Variants in CADM2 observed in about 807,000 individuals in gnomAD.
CADM2 encodes cell adhesion molecule 2.
CADM2 carries 12 observed loss-of-function variants against 49.8 expected under a neutral mutation model. That is an observed-to-expected ratio of 0.24 (90% CI 0.15 to 0.39). The LOEUF is 0.39. Among genes scored for constraint, CADM2 ranks in the 10% least tolerant of loss-of-function variants. The probability of loss-of-function intolerance (pLI) is 1.00; values close to 1 mark genes in which losing one functional copy is unlikely to be tolerated. For missense variants in CADM2, 378 were observed against 492.3 expected (o/e 0.77, Z 2.20); for synonymous variants, 214 against 175.4 (o/e 1.22, Z -1.74).
intron 1 of CADM2, among the ~76,000 whole-genome samples, chr3:85,213,334 T>C (rs1397851085): frequency 1.3e-5 from 2 of 151,744 alleles, no homozygotes; most frequent in East Asian, 3.9e-4. Flanking sequence ...TTTCACTGGA[T>C]ATACTATTCT....
intron 1 of CADM2, among the ~76,000 whole-genome samples, chr3:85,229,306 G>T (rs1353945765): frequency 6.6e-6 from 1 of 152,182 alleles, no homozygotes; most frequent in Non-Finnish European, 1.5e-5. Context: ...TGCTGGTTGC[G>T]AAGACCATGG....
chr3:85,962,794 G>C (rs1042546364), intron 8 of CADM2, among the ~76,000 whole-genome samples: 1 of 151,836 alleles, frequency 6.6e-6, no homozygotes, highest in Non-Finnish European at 1.5e-5. Flanking sequence ...TCTGGGACTA[G>C]TATTATATTC....
intron 1 of CADM2, among the ~76,000 whole-genome samples, chr3:85,167,763 AT>A (rs2040509469): frequency 6.6e-6 from 1 of 152,210 alleles, no homozygotes; most frequent in Non-Finnish European, 1.5e-5. Context: ...TATAAGTAGC[AT>A]ATGCTAATTG....
chr3:85,486,790 A>C (rs1222785396), intron 1 of CADM2, among the ~76,000 whole-genome samples: 1 of 152,174 alleles, frequency 6.6e-6, no homozygotes, highest in Non-Finnish European at 1.5e-5. Context: ...ACCTTACTGA[A>C]TACTATAAGA....
chr3:85,149,417 G>C (rs113377975), intron 1 of CADM2, among the ~76,000 whole-genome samples: 9 of 152,188 alleles, frequency 5.9e-5, no homozygotes, highest in African/African-American at 2.2e-4. Context: ...ATGGACTAAA[G>C]CAAAGACATA....
At chr3:85,534,521 A>T (rs1267715260) in intron 1 of CADM2, among the ~76,000 whole-genome samples, 1 of 152,174 alleles carries the variant, frequency 6.6e-6, no homozygotes, top group Non-Finnish European at 1.5e-5. Context: ...GTGAATAAAG[A>T]ATTATTGCAA....
At chr3:85,276,911 G>A (rs1425548212) in intron 1 of CADM2, among the ~76,000 whole-genome samples, 1 of 151,286 alleles carries the variant, frequency 6.6e-6, no homozygotes, top group Non-Finnish European at 1.5e-5. Context: ...CTAGAGGAAT[G>A]TGAATATCTG....
chr3:85,417,217 CAT>C (rs2035956844), intron 1 of CADM2, among the ~76,000 whole-genome samples: 2 of 152,028 alleles, frequency 1.3e-5, no homozygotes, highest in Admixed American at 1.3e-4. Flanking sequence ...TTTCTTATTG[CAT>C]AGAGTATTTA....
intron 1 of CADM2, among the ~76,000 whole-genome samples, chr3:85,243,975 A>T (rs1262340781): frequency 6.6e-6 from 1 of 152,096 alleles, no homozygotes; most frequent in East Asian, 1.9e-4. Flanking sequence ...CCTATTGTGT[A>T]GCCCAACCCC....
At chr3:85,655,840 T>C (rs1047327218) in intron 1 of CADM2, among the ~76,000 whole-genome samples, 11 of 152,310 alleles carry the variant, frequency 7.2e-5, no homozygotes, top group Admixed American at 4.6e-4. Flanking sequence ...TAGAATTCAA[T>C]AGCACATATG....
At chr3:85,179,848 T>A (rs2040881200) in intron 1 of CADM2, among the ~76,000 whole-genome samples, 1 of 152,160 alleles carries the variant, frequency 6.6e-6, no homozygotes, top group African/African-American at 2.4e-5. Flanking sequence ...TTTCATTTAA[T>A]AGGATGTTAA....
intron 6 of CADM2, 67 bp downstream of exon 6, chr3:85,912,610 T>A (rs565823521): frequency 4.1e-6 from 6 of 1,468,486 alleles, no homozygotes; most frequent in Non-Finnish European, 5.6e-6. Context: ...TCTAAAATCA[T>A]TTCAAAACTA....
intron 1 of CADM2, among the ~76,000 whole-genome samples, chr3:84,999,087 G>T (rs2033324128): frequency 6.6e-6 from 1 of 152,118 alleles, no homozygotes; most frequent in African/African-American, 2.4e-5. Flanking sequence ...ATTTCTTTGT[G>T]AAGCTAATTT....
chr3:85,492,399 C>T (rs1400117321), intron 1 of CADM2, among the ~76,000 whole-genome samples: 1 of 152,064 alleles, frequency 6.6e-6, no homozygotes, highest in Admixed American at 6.6e-5. Flanking sequence ...GGAGACCAGC[C>T]TACCCAACAT....
intron 1 of CADM2, among the ~76,000 whole-genome samples, chr3:85,652,215 A>G (rs766320415): frequency 2.0e-5 from 3 of 152,068 alleles, no homozygotes; most frequent in Non-Finnish European, 4.4e-5. Context: ...TGCTTCCTTT[A>G]TACCATGTTC....
intron 1 of CADM2, among the ~76,000 whole-genome samples, chr3:85,327,349 G>A (rs1009831656): frequency 2.0e-5 from 3 of 151,856 alleles, no homozygotes; most frequent in Admixed American, 2.0e-4. Context: ...TCCACCTCCC[G>A]AGTTCAAGTA....
chr3:85,922,401 A>G (rs1354674040), intron 6 of CADM2, among the ~76,000 whole-genome samples: 1 of 152,030 alleles, frequency 6.6e-6, no homozygotes, highest in Non-Finnish European at 1.5e-5. Flanking sequence ...TTTTTGTTTT[A>G]TACTCTAAGT....
intron 3 of CADM2, among the ~76,000 whole-genome samples, chr3:85,815,404 AG>A (rs2108151425): frequency 6.6e-6 from 1 of 152,318 alleles, no homozygotes; most frequent in African/African-American, 2.4e-5. Flanking sequence ...ACCATGATCA[AG>A]TCGGCTTCAT....
intron 1 of CADM2, among the ~76,000 whole-genome samples, chr3:85,458,273 A>G (rs557268200): frequency 2.1e-4 from 32 of 152,308 alleles, no homozygotes; most frequent in Admixed American, 7.8e-4. Context: ...AATGCCTTAC[A>G]CCATGCCCTG....
Sources: allele counts gnomAD v4.1 joint callset (sites outside exome capture counted in the v4.1 genomes callset), GRCh38; gene constraint gnomAD v4.1.1; transcripts MANE v1.5; gene names NCBI Gene and HGNC (gene_info 2026-07-23, HGNC 2026-07-21).